CTNNA3: variants seen among roughly 807,000 people sequenced by gnomAD.
The protein encoded by CTNNA3 is catenin alpha-3.
CTNNA3 carries 76 observed loss-of-function variants against 95.7 expected under a neutral mutation model. That is an observed-to-expected ratio of 0.79 (90% CI 0.66 to 0.96). CTNNA3 has a LOEUF of 0.96. Ranked by LOEUF, CTNNA3 falls within the 40% of genes least tolerant of loss-of-function variation. The probability of loss-of-function intolerance (pLI) is 0.00; values close to 1 mark genes in which losing one functional copy is unlikely to be tolerated. For missense variants in CTNNA3, 1,191 were observed against 1,089.8 expected, an observed-to-expected ratio of 1.09 and a Z score of -1.31; for synonymous variants, 431 against 374.4, an observed-to-expected ratio of 1.15 and a Z score of -1.74.
chr10:67,142,897 A>T (rs1362177825), intron 7 of CTNNA3, among the ~76,000 whole-genome samples: 2 of 152,228 alleles, frequency 1.3e-5, no homozygotes, highest in East Asian at 3.9e-4. Flanking sequence ...GTGCCACTGC[A>T]CTCCAGCCTG....
chr10:67,577,349 T>C (rs976209106), intron 3 of CTNNA3, among the ~76,000 whole-genome samples: 1 of 151,860 alleles, frequency 6.6e-6, no homozygotes, highest in Non-Finnish European at 1.5e-5. Flanking sequence ...TGTCTGTTCA[T>C]GTCCTTTGCC....
At chr10:66,711,167 T>A (rs2132605608) in intron 9 of CTNNA3, among the ~76,000 whole-genome samples, 1 of 151,200 alleles carries the variant, frequency 6.6e-6, no homozygotes, top group Non-Finnish European at 1.5e-5. Context: ...TGTTAGAACA[T>A]GTATTCTGCA....
At chr10:66,424,516 T>C (rs979580187) in intron 11 of CTNNA3, among the ~76,000 whole-genome samples, 1 of 152,054 alleles carries the variant, frequency 6.6e-6, no homozygotes, top group Admixed American at 6.6e-5. Context: ...TGTCTTGCAA[T>C]ATATTTCTAA....
chr10:66,569,035 T>C (rs143613578), intron 10 of CTNNA3, among the ~76,000 whole-genome samples: 1 of 152,004 alleles, frequency 6.6e-6, no homozygotes, highest in Non-Finnish European at 1.5e-5. Flanking sequence ...TGCCCTCTGA[T>C]AAACTGTGGC....
At chr10:67,392,555 G>A (rs1844543556) in intron 5 of CTNNA3, among the ~76,000 whole-genome samples, 1 of 152,136 alleles carries the variant, frequency 6.6e-6, no homozygotes, top group Admixed American at 6.6e-5. Flanking sequence ...CCCATTACTG[G>A]GTATATACCC....
At position 67,317,831 on chromosome 10, in the gene CTNNA3, T is replaced by C. The variant is rs1841124387; in HGVS notation, c.580-97961A>G. 6.6e-5 allele frequency among the ~76,000 whole-genome samples: 10 copies of C among 152,344 alleles called. No homozygotes were observed. The South Asian group carries it at 1.7e-3, about 25-fold the overall frequency. On this transcript the variant is annotated intron_variant, in intron 5 of 17. Coordinates refer to ENST00000433211, the MANE Select transcript of CTNNA3 (RefSeq NM_013266.4). ...CAACTAGACCTTCTTGGTGTGACTG[T>C]TGCAGAGTTGCCAATGAGAGAAGTT...
chr10:67,302,312 A>G (rs1236044440), intron 5 of CTNNA3, among the ~76,000 whole-genome samples: 1 of 152,166 alleles, frequency 6.6e-6, no homozygotes, highest in Non-Finnish European at 1.5e-5. Context: ...AAACAATTCA[A>G]AATTTCAGTT....
intron 9 of CTNNA3, among the ~76,000 whole-genome samples, chr10:66,642,656 T>C (rs1480076244): frequency 6.6e-6 from 1 of 152,066 alleles, no homozygotes; most frequent in African/African-American, 2.4e-5. Context: ...AAAATATATA[T>C]ATATAATAAA....
At chr10:66,634,121 T>C (rs1168098242) in intron 9 of CTNNA3, among the ~76,000 whole-genome samples, 1 of 152,146 alleles carries the variant, frequency 6.6e-6, no homozygotes, top group African/African-American at 2.4e-5. Flanking sequence ...TTTTCTATAT[T>C]CTTAATAATT....
intron 5 of CTNNA3, among the ~76,000 whole-genome samples, chr10:67,261,028 T>C (rs1037812915): frequency 6.6e-6 from 1 of 152,154 alleles, no homozygotes; most frequent in Non-Finnish European, 1.5e-5. Context: ...GAAAGTGAAG[T>C]TATCAAGTGC....
chr10:67,351,661 T>A (rs961458544), intron 5 of CTNNA3, among the ~76,000 whole-genome samples: 1 of 151,948 alleles, frequency 6.6e-6, no homozygotes, highest in Non-Finnish European at 1.5e-5. Flanking sequence ...CAGAGTAAAT[T>A]AATGCAAAGT....
intron 11 of CTNNA3, among the ~76,000 whole-genome samples, chr10:66,513,504 G>T (rs57916658): frequency 6.6e-6 from 1 of 152,136 alleles, no homozygotes; most frequent in Non-Finnish European, 1.5e-5. Context: ...CGCACCTCTG[G>T]TGGTACACAT....
chr10:66,548,351 C>T (rs200617516), intron 10 of CTNNA3, among the ~76,000 whole-genome samples: 1 of 152,122 alleles, frequency 6.6e-6, no homozygotes, highest in East Asian at 1.9e-4. Context: ...GGCTAACTCA[C>T]TTATTAAGTA....
At chr10:67,036,968 G>A (rs1854099958) in intron 7 of CTNNA3, among the ~76,000 whole-genome samples, 2 of 152,168 alleles carry the variant, frequency 1.3e-5, no homozygotes, top group South Asian at 2.1e-4. Context: ...ACAACCCAAA[G>A]GGAGTGACTC....
At chr10:67,154,948 T>C (rs750666205) in intron 7 of CTNNA3, among the ~76,000 whole-genome samples, 32 of 152,240 alleles carry the variant, frequency 2.1e-4, no homozygotes, top group Non-Finnish European at 3.8e-4. Context: ...GGATAACATC[T>C]ACCTTATCCT....
chr10:66,852,012 G>A (rs1843516163), intron 7 of CTNNA3, among the ~76,000 whole-genome samples: 1 of 152,084 alleles, frequency 6.6e-6, no homozygotes. Flanking sequence ...ACAACTGGCT[G>A]AGGAATGAGG....
intron 4 of CTNNA3, 115 bp from the exon 5 acceptor site, chr10:67,522,076 G>C: frequency 1.0e-6 from 1 of 980,856 alleles, no homozygotes; most frequent in Non-Finnish European, 1.5e-6. Flanking sequence ...TCATAATACA[G>C]TGATAACAAA....
intron 5 of CTNNA3, among the ~76,000 whole-genome samples, chr10:67,405,027 C>T (rs1845083453): frequency 6.6e-6 from 1 of 152,120 alleles, no homozygotes; most frequent in Non-Finnish European, 1.5e-5. Flanking sequence ...TTTGTTACCA[C>T]CAGACCTGCT....
chr10:66,062,756 G>A (rs757530637), intron 15 of CTNNA3, among the ~76,000 whole-genome samples: 2 of 152,090 alleles, frequency 1.3e-5, no homozygotes, highest in Admixed American at 1.3e-4. Flanking sequence ...CAATATTCCT[G>A]TTCTGTGGAT....
Sources: allele counts gnomAD v4.1 joint callset (sites outside exome capture counted in the v4.1 genomes callset), GRCh38; gene constraint gnomAD v4.1.1; transcripts MANE v1.5; gene names NCBI Gene and HGNC (gene_info 2026-07-23, HGNC 2026-07-21).